REDIC1: variants seen among roughly 807,000 people sequenced by gnomAD.
The protein encoded by REDIC1 is regulator of DNA class I crossover intermediates 1.
the REDIC1 span, among the ~76,000 whole-genome samples, chr12:39,701,508 C>G: frequency 2.6e-5 from 4 of 152,146 alleles, no homozygotes; most frequent in Admixed American, 6.5e-5. Flanking sequence ...TAACACCCCA[C>G]TGTCAACATT....
At chr12:39,748,312 CAA>C in the REDIC1 span, among the ~76,000 whole-genome samples, 21 of 152,024 alleles carry the variant, frequency 1.4e-4, no homozygotes, top group South Asian at 2.9e-3. Flanking sequence ...CAACAAAGAT[CAA>C]AAGAGACAAA....
chr12:39,864,336 T>A, the REDIC1 span, among the ~76,000 whole-genome samples: 6 of 152,354 alleles, frequency 3.9e-5, no homozygotes, highest in Admixed American at 3.3e-4. Flanking sequence ...AGGATAGCCA[T>A]GCAAATCAGT....
At chr12:39,752,607 G>T in the REDIC1 span, among the ~76,000 whole-genome samples, 1 of 152,148 alleles carries the variant, frequency 6.6e-6, no homozygotes, top group African/African-American at 2.4e-5. Flanking sequence ...TGAAAGGCAT[G>T]ATTGCATTAC....
chr12:39,720,830 C>G, the REDIC1 span: 2 of 1,612,266 alleles, frequency 1.2e-6, no homozygotes, highest in Admixed American at 3.4e-5. Flanking sequence ...ATTGAAGATT[C>G]AAATAGGATG....
chr12:39,653,572 T>TCTTCTTCTTCTTTTTCTTC, the REDIC1 span, among the ~76,000 whole-genome samples: 1 of 72,818 alleles, frequency 1.4e-5, no homozygotes, highest in African/African-American at 4.3e-5. Context: ...TTCTTCTTCT[T>TCTTCTTCTTCTTTTTCTTC]TTTCTTCCTC....
the REDIC1 span, among the ~76,000 whole-genome samples, chr12:39,665,780 T>G: frequency 2.6e-5 from 4 of 151,640 alleles, no homozygotes; most frequent in Non-Finnish European, 4.4e-5. Context: ...CCTTGAAGAG[T>G]TCCTTCACAT....
chr12:39,787,577 C>G, the REDIC1 span, among the ~76,000 whole-genome samples: 51 of 152,068 alleles, frequency 3.4e-4, 1 homozygote, highest in Non-Finnish European at 5.0e-4. Flanking sequence ...ACTTTTTTGG[C>G]TTCCTCTTCA....
chr12:39,839,376 T>A, the REDIC1 span, among the ~76,000 whole-genome samples: 1 of 152,008 alleles, frequency 6.6e-6, no homozygotes, highest in East Asian at 1.9e-4. Flanking sequence ...AAAAAAAATC[T>A]TAGACACGTG....
the REDIC1 span, chr12:39,835,533 T>A: frequency 6.6e-6 from 1 of 151,990 alleles, no homozygotes; most frequent in Non-Finnish European, 1.5e-5. Context: ...TAAAATGGAG[T>A]TCTCCTTATT....
chr12:39,722,928 G>T, the REDIC1 span, among the ~76,000 whole-genome samples: 2 of 152,108 alleles, frequency 1.3e-5, no homozygotes, highest in African/African-American at 4.8e-5. Flanking sequence ...GTAACAATAT[G>T]ATTTAGGATG....
At chr12:39,786,196 A>G in the REDIC1 span, among the ~76,000 whole-genome samples, 1 of 152,078 alleles carries the variant, frequency 6.6e-6, no homozygotes, top group Non-Finnish European at 1.5e-5. Flanking sequence ...ATTCCCATGT[A>G]TTGTGGGAGG....
At chr12:39,714,073 G>T in the REDIC1 span, among the ~76,000 whole-genome samples, 141 of 147,866 alleles carry the variant, frequency 9.5e-4, 7 homozygotes, top group East Asian at 0.019. Context: ...GTGTATATAC[G>T]TGTATATACA....
chr12:39,852,290 C>G, the REDIC1 span, among the ~76,000 whole-genome samples: 107 of 152,306 alleles, frequency 7.0e-4, 1 homozygote, highest in East Asian at 0.015. Flanking sequence ...TCAGATTTCC[C>G]TTTATGGGCC....
At chr12:39,648,343 C>T in the REDIC1 span, among the ~76,000 whole-genome samples, 2 of 151,792 alleles carry the variant, frequency 1.3e-5, no homozygotes, top group Non-Finnish European at 2.9e-5. Flanking sequence ...AGAAAGTGTC[C>T]TGTGAATAGC....
the REDIC1 span, chr12:39,865,020 T>C: frequency 1.4e-6 from 1 of 738,604 alleles, no homozygotes; most frequent in South Asian, 2.6e-5. Flanking sequence ...CTATCTTCAC[T>C]GGATTTTTAA....
the REDIC1 span, among the ~76,000 whole-genome samples, chr12:39,749,702 C>G: frequency 6.6e-6 from 1 of 151,412 alleles, no homozygotes; most frequent in East Asian, 1.9e-4. Context: ...AGCAGCACAT[C>G]AAAAAGCTTA....
the REDIC1 span, among the ~76,000 whole-genome samples, chr12:39,837,009 C>CA: frequency 2.5e-5 from 1 of 39,312 alleles, no homozygotes; most frequent in Non-Finnish European, 4.4e-5. Context: ...CATATGGAAC[C>CA]AAAAAAGAGC....
At chr12:39,651,731 C>A in the REDIC1 span, among the ~76,000 whole-genome samples, 129,354 of 152,164 alleles carry the variant, frequency 0.85, 55,481 homozygotes, top group African/African-American at 0.91. Context: ...TTTTTTAAAA[C>A]CAGTTTTATT....
At chr12:39,713,213 G>A in the REDIC1 span, among the ~76,000 whole-genome samples, 1 of 145,620 alleles carries the variant, frequency 6.9e-6, no homozygotes, top group East Asian at 2.1e-4. Flanking sequence ...ATTCATATAT[G>A]TTTATATTAC....
Sources: allele counts gnomAD v4.1 joint callset (sites outside exome capture counted in the v4.1 genomes callset), GRCh38; gene constraint gnomAD v4.1.1; transcripts MANE v1.5; gene names NCBI Gene and HGNC (gene_info 2026-07-23, HGNC 2026-07-21).